Variants in STXBP6 observed in about 807,000 individuals in gnomAD.
STXBP6 encodes syntaxin binding protein 6.
Under a neutral mutation model 26.9 loss-of-function variants are expected in STXBP6, and 21 were observed. The ratio of observed to expected loss-of-function variants is 0.78; its 90% CI spans 0.55 to 1.12. The LOEUF is 1.12. Ranked by LOEUF, STXBP6 falls within the 50% of genes most tolerant of loss-of-function variation. The probability of loss-of-function intolerance (pLI) is 0.00; values close to 1 mark genes in which losing one functional copy is unlikely to be tolerated. For synonymous variants in STXBP6, 97 were observed against 92.6 expected, an observed-to-expected ratio of 1.05 and a Z score of -0.27; for missense variants, 232 against 257.9, an observed-to-expected ratio of 0.90 and a Z score of 0.69.
intron 1 of STXBP6, among the ~76,000 whole-genome samples, chr14:25,035,935 G>C (rs910700365): frequency 9.2e-5 from 14 of 152,032 alleles, no homozygotes; most frequent in African/African-American, 3.4e-4. Flanking sequence ...AACAGGTTGT[G>C]GGCTGGGCAC....
chr14:24,812,851 CTG>C, intron 5 of STXBP6, 119 bp from the exon 6 acceptor site: 1 of 954,842 alleles, frequency 1.0e-6, no homozygotes. Flanking sequence ...ATTCTACTCT[CTG>C]TGGCAGATCA....
chr14:25,007,172 C>T (rs2074921229), intron 1 of STXBP6, among the ~76,000 whole-genome samples: 1 of 152,206 alleles, frequency 6.6e-6, no homozygotes, highest in African/African-American at 2.4e-5. Flanking sequence ...CTCCACAATG[C>T]CTTGTATACC....
rs1185965165 is a variant in STXBP6, at chr14:24,974,829, G to A, written c.-11C>T. The A allele has an allele frequency of 3.1e-6, 5 of 1,598,366 alleles. No individual in the cohort carries two copies. The highest frequency in any genetic ancestry group is 3.4e-5 in the Admixed American group (2 of 58,958). On this transcript the variant is annotated 5_prime_UTR_variant, in exon 2 of 6. Coordinates refer to ENST00000323944, the MANE Select transcript of STXBP6 (RefSeq NM_001394410.1). ...AGATTTGGCACTCATTGTAGAACAAGTGAGGACAGCACGCAGTGAATCTTT... is the reference window on the plus strand; with the variant it reads ...AGATTTGGCACTCATTGTAGAACAAATGAGGACAGCACGCAGTGAATCTTT...
chr14:24,991,168 G>A (rs1411978691), intron 1 of STXBP6, among the ~76,000 whole-genome samples: 1 of 126,226 alleles, frequency 7.9e-6, no homozygotes, highest in African/African-American at 4.2e-5. Context: ...GAGAAGAGCA[G>A]AGAGAGAGGA....
At chr14:24,952,301 TA>T (rs1010524341) in intron 2 of STXBP6, among the ~76,000 whole-genome samples, 451 of 138,860 alleles carry the variant, frequency 3.2e-3, no homozygotes, top group Middle Eastern at 7.4e-3. Flanking sequence ...CTTTATCCCT[TA>T]AAAAAAAAAA....
intron 4 of STXBP6, among the ~76,000 whole-genome samples, chr14:24,829,432 T>C (rs539614074): frequency 5.9e-5 from 9 of 152,288 alleles, no homozygotes; most frequent in African/African-American, 1.7e-4. Flanking sequence ...TTAGTAGAAA[T>C]ATTTAATAAA....
rs778765155 is a variant in STXBP6 at position 24,812,684 on chromosome 14, A to G, written c.*25T>C. 6.2e-7 allele frequency: 1 copy of G among 1,612,528 alleles called. No homozygotes were observed. The highest frequency in any genetic ancestry group is 8.5e-7 in the Non-Finnish European group (1 of 1,178,760). On this transcript the variant is annotated 3_prime_UTR_variant, in exon 6 of 6. Coordinates refer to ENST00000323944, the MANE Select transcript of STXBP6 (RefSeq NM_001394410.1). ...AACAAACTCTTCAGTTTCTCTTAAGAAGAGTCACCAGGATAGGCAGTTTCT... is the reference window on the plus strand; with the variant it reads ...AACAAACTCTTCAGTTTCTCTTAAGGAGAGTCACCAGGATAGGCAGTTTCT...
intron 2 of STXBP6, among the ~76,000 whole-genome samples, chr14:24,930,396 T>A (rs10132498): frequency 6.6e-6 from 1 of 152,158 alleles, no homozygotes; most frequent in South Asian, 2.1e-4. Flanking sequence ...GTGCTAATTA[T>A]AACAGATTTT....
intron 1 of STXBP6, among the ~76,000 whole-genome samples, chr14:25,015,356 C>A (rs1034880972): frequency 1.9e-4 from 29 of 152,034 alleles, no homozygotes; most frequent in African/African-American, 5.8e-4. Context: ...CTCCTCTATA[C>A]CCCCTGTTCC....
intron 1 of STXBP6, among the ~76,000 whole-genome samples, chr14:24,997,236 C>T (rs2074628558): frequency 1.3e-5 from 2 of 152,132 alleles, no homozygotes; most frequent in Admixed American, 6.5e-5. Context: ...TACGCAGGTG[C>T]TCATGAACTG....
intron 2 of STXBP6, among the ~76,000 whole-genome samples, chr14:24,940,951 C>T (rs2072780674): frequency 6.6e-6 from 1 of 152,070 alleles, no homozygotes. Flanking sequence ...GGAGGCAGAG[C>T]TTGCAGTGAG....
intron 2 of STXBP6, among the ~76,000 whole-genome samples, chr14:24,961,972 C>G (rs1021474725): frequency 1.3e-5 from 2 of 152,154 alleles, no homozygotes; most frequent in East Asian, 1.9e-4. Context: ...TCATCTAACA[C>G]TAATATATTA....
At chr14:24,983,055 A>G (rs1206274977) in intron 1 of STXBP6, among the ~76,000 whole-genome samples, 4 of 152,214 alleles carry the variant, frequency 2.6e-5, no homozygotes, top group Admixed American at 1.3e-4. Context: ...CCAGTTCTAC[A>G]GTATCCATGT....
intron 1 of STXBP6, among the ~76,000 whole-genome samples, chr14:24,975,754 T>C (rs551936957): frequency 2.6e-5 from 4 of 152,322 alleles, no homozygotes; most frequent in Middle Eastern, 3.4e-3. Flanking sequence ...ACTTCCCCAA[T>C]GGTCTTAACT....
intron 4 of STXBP6, among the ~76,000 whole-genome samples, chr14:24,829,229 A>T (rs2138883375): frequency 6.6e-6 from 1 of 152,316 alleles, no homozygotes; most frequent in East Asian, 1.9e-4. Flanking sequence ...TACAGGTTTA[A>T]ATATAATATT....
chr14:25,031,408 AAAG>A (rs1372700552), intron 1 of STXBP6, among the ~76,000 whole-genome samples: 1 of 152,252 alleles, frequency 6.6e-6, no homozygotes, highest in African/African-American at 2.4e-5. Flanking sequence ...AGGCAGGCAG[AAAG>A]ATGAGAGTAC....
intron 2 of STXBP6, among the ~76,000 whole-genome samples, chr14:24,868,988 T>G (rs2069826126): frequency 6.6e-6 from 1 of 152,248 alleles, no homozygotes; most frequent in Non-Finnish European, 1.5e-5. Context: ...TGTATTTTTA[T>G]TTACCTGCAT....
At chr14:24,958,390 T>G (rs1487658023) in intron 2 of STXBP6, among the ~76,000 whole-genome samples, 2 of 152,158 alleles carry the variant, frequency 1.3e-5, no homozygotes, top group Non-Finnish European at 2.9e-5. Context: ...CTATAAGGTA[T>G]TTCCAGCCCA....
At chr14:24,817,946 T>TA (rs1398300789) in intron 5 of STXBP6, 4 of 425,008 alleles carry the variant, frequency 9.4e-6, no homozygotes, top group African/African-American at 8.1e-5. Context: ...GTCATCCACT[T>TA]AGAGCTGGAT....
Sources: gnomAD v4.1 joint callset for allele counts (sites outside exome capture counted in the v4.1 genomes callset) on GRCh38, gnomAD v4.1.1 for gene constraint, MANE v1.5 for transcripts, NCBI Gene and HGNC (gene_info 2026-07-23, HGNC 2026-07-21) for gene names.